Variants in LRRC7 observed in about 807,000 individuals in gnomAD.
The protein encoded by LRRC7 is leucine rich repeat containing 7, also known as leucine-rich repeat-containing protein 7.
Under a neutral mutation model 175.7 loss-of-function variants are expected in LRRC7, and 23 were observed. The observed-to-expected ratio is 0.13, with a 90% CI of 0.09 to 0.19. The LOEUF (loss-of-function observed/expected upper bound fraction) is 0.19, where lower values mean the gene tolerates loss of function less well. Ranked by LOEUF, LRRC7 falls within the 10% of genes least tolerant of loss-of-function variation. The pLI is 1.00. For synonymous variants in LRRC7, 685 were observed against 680.9 expected (o/e 1.01, Z -0.09); for missense variants, 1,354 against 1,904.7 (o/e 0.71, Z 5.38).
intron 7 of LRRC7, among the ~76,000 whole-genome samples, chr1:69,913,454 G>A (rs566329768): frequency 7.2e-6 from 1 of 138,560 alleles, no homozygotes; most frequent in South Asian, 2.3e-4. Context: ...AATGTTTCCT[G>A]GTTTATAACA....
chr1:69,994,411 C>T lies in LRRC7; in HGVS notation c.932-150C>T, dbSNP rs907871136. The T allele has an allele frequency of 1.9e-5, 12 of 637,512 alleles. No homozygotes were observed. The Admixed American group carries it at 3.3e-4, about 18-fold the overall frequency. The allele number at this position is 637,512 out of a possible 1,614,324, so 39.5% of individuals were successfully genotyped here. A position where few individuals can be genotyped will look rare whatever the true frequency, so the allele number is the denominator to read the frequency against. The stretch of plus-strand genomic sequence containing the variant: ...TAGAAGGTCAAAATTAGACTACACA[C>T]AAACGTCAGTTTTATGAGTGTGTAT... On this transcript the variant is annotated intron_variant, in intron 10 of 26. Coordinates refer to ENST00000651989, the MANE Select transcript of LRRC7 (RefSeq NM_001370785.2).
chr1:69,664,147 T>C (rs1173050086), intron 1 of LRRC7, among the ~76,000 whole-genome samples: 1 of 152,254 alleles, frequency 6.6e-6, no homozygotes, highest in Non-Finnish European at 1.5e-5. Context: ...ACCTTTTTCA[T>C]GGCTGACTAG....
chr1:69,917,563 G>T (rs115848044), intron 7 of LRRC7, among the ~76,000 whole-genome samples: 1 of 152,128 alleles, frequency 6.6e-6, no homozygotes, highest in Non-Finnish European at 1.5e-5. Flanking sequence ...TGGAGACATT[G>T]TGATGGTAAC....
intron 2 of LRRC7, among the ~76,000 whole-genome samples, chr1:69,740,878 A>G (rs140638870): frequency 1.6e-3 from 248 of 152,190 alleles, no homozygotes; most frequent in African/African-American, 5.6e-3. Flanking sequence ...AATTTGAGGA[A>G]AACATAACTC....
chr1:69,979,977 G>A (rs1370692625), intron 8 of LRRC7, among the ~76,000 whole-genome samples: 2 of 151,996 alleles, frequency 1.3e-5, no homozygotes, highest in Non-Finnish European at 2.9e-5. Flanking sequence ...GCTACTATGT[G>A]CCCATGGTAA....
At chr1:69,916,107 AAT>A (rs68190267) in intron 7 of LRRC7, among the ~76,000 whole-genome samples, 33 of 49,112 alleles carry the variant, frequency 6.7e-4, no homozygotes, top group African/African-American at 1.6e-3. Flanking sequence ...TTTTATATAT[AAT>A]ATATATATTA....
chr1:70,006,646 A>G (rs1008848090), intron 11 of LRRC7, among the ~76,000 whole-genome samples: 2 of 152,084 alleles, frequency 1.3e-5, no homozygotes, highest in African/African-American at 4.8e-5. Context: ...CTCAATTTCG[A>G]CACACCTACC....
chr1:69,772,785 G>A (rs1250210201), intron 3 of LRRC7, among the ~76,000 whole-genome samples: 2 of 152,178 alleles, frequency 1.3e-5, no homozygotes, highest in Admixed American at 6.5e-5. Flanking sequence ...TTTAGAAAGA[G>A]TTGCTATTGA....
At chr1:69,718,177 A>AAGAAAGAAAGAAAGAAAGAAAG (rs1366913143) in intron 2 of LRRC7, among the ~76,000 whole-genome samples, 4 of 146,848 alleles carry the variant, frequency 2.7e-5, no homozygotes, top group South Asian at 2.2e-4. Flanking sequence ...AGAAAGAAGA[A>AAGAAAGAAAGAAAGAAAGAAAG]AAGAAAAGAA....
intron 8 of LRRC7, among the ~76,000 whole-genome samples, chr1:69,958,359 A>G (rs547257363): frequency 1.4e-4 from 22 of 152,160 alleles, no homozygotes; most frequent in Non-Finnish European, 2.6e-4. Context: ...AGCAATTTTC[A>G]GTGCCCTATC....
rs115579758 is a variant in LRRC7, at chr1:69,673,444, A to T, written c.3-4937A>T. Among the ~76,000 whole-genome samples, 1,052 of 152,314 alleles carry T rather than the reference A, an allele frequency of 6.9e-3. 5 individuals carry two copies. Among genetic ancestry groups the T allele is most frequent in the African/African-American group, 0.024 (996 of 41,576 alleles). The stretch of plus-strand genomic sequence containing the variant: ...TAGAGCATCTGTCTCACCTGTGGTC[A>T]TTACATTTAATCTCTCTTTGCTAGA... On this transcript the variant is annotated intron_variant, in intron 1 of 26. Transcript: ENST00000651989.
At chr1:69,999,132 C>G (rs546557457) in intron 11 of LRRC7, among the ~76,000 whole-genome samples, 4 of 152,330 alleles carry the variant, frequency 2.6e-5, no homozygotes, top group Non-Finnish European at 5.9e-5. Flanking sequence ...TAGTCATGTC[C>G]TTTGAAATCT....
At chr1:70,104,043 C>T (rs535136097) in intron 25 of LRRC7, among the ~76,000 whole-genome samples, 4 of 152,210 alleles carry the variant, frequency 2.6e-5, no homozygotes, top group East Asian at 3.9e-4. Flanking sequence ...ATCTTGCTAG[C>T]GGAGTTGAAA....
At chr1:69,691,797 C>CAAA (rs57676937) in intron 2 of LRRC7, among the ~76,000 whole-genome samples, 118 of 85,136 alleles carry the variant, frequency 1.4e-3, no homozygotes, top group Middle Eastern at 9.8e-3. Context: ...GACCCTGTCT[C>CAAA]AAAAAAAAAA....
intron 25 of LRRC7, among the ~76,000 whole-genome samples, chr1:70,105,220 C>T (rs944878663): frequency 6.6e-6 from 1 of 152,190 alleles, no homozygotes; most frequent in African/African-American, 2.4e-5. Context: ...CCTTATTTAA[C>T]TGTCTTTTTT....
intron 22 of LRRC7, among the ~76,000 whole-genome samples, chr1:70,047,054 T>G (rs1441143464): frequency 6.6e-6 from 1 of 152,108 alleles, no homozygotes; most frequent in Non-Finnish European, 1.5e-5. Flanking sequence ...ATAGTAAAAA[T>G]TACCATCTCA....
In LRRC7 at chr1:69,598,165, G is replaced by A. The variant is rs116341701; in HGVS notation, c.2+29524G>A. ...AACTAAATTCCAGCTTTCTAATGAG[G>A]TGTGGGCTTTTCCTACTCTGCTGCT... On this transcript the variant is annotated intron_variant, in intron 1 of 26. Transcript: ENST00000651989. Among the ~76,000 whole-genome samples, 338 of 152,224 alleles carry A rather than the reference G, an allele frequency of 2.2e-3. 1 individual carries two copies. Among genetic ancestry groups the A allele is most frequent in the African/African-American group, 7.7e-3 (320 of 41,552 alleles).
intron 1 of LRRC7, among the ~76,000 whole-genome samples, chr1:69,616,395 T>A (rs1649624649): frequency 6.6e-6 from 1 of 152,018 alleles, no homozygotes. Context: ...AATAGTACCC[T>A]CATAATAAAA....
chr1:69,989,015 C>T (rs1343665935), intron 10 of LRRC7, among the ~76,000 whole-genome samples: 1 of 152,044 alleles, frequency 6.6e-6, no homozygotes, highest in East Asian at 1.9e-4. Flanking sequence ...AATATGAAAA[C>T]TATTTTAAGC....
Sources: gnomAD v4.1 joint callset for allele counts (sites outside exome capture counted in the v4.1 genomes callset) on GRCh38, gnomAD v4.1.1 for gene constraint, MANE v1.5 for transcripts, NCBI Gene and HGNC (gene_info 2026-07-23, HGNC 2026-07-21) for gene names.